The following UNC5D variants were observed in gnomAD, a reference collection of about 807,000 sequenced individuals.
The protein encoded by UNC5D is unc-5 netrin receptor D.
A neutral mutation model predicts 105.4 loss-of-function variants in UNC5D; 39 were observed. That is an observed-to-expected ratio of 0.37 (90% CI 0.29 to 0.48). UNC5D has a LOEUF of 0.48. Among genes scored for constraint, UNC5D ranks in the 20% least tolerant of loss-of-function variants. The pLI is 0.98. For missense variants in UNC5D, 991 were observed against 1,202.4 expected, an observed-to-expected ratio of 0.82 and a Z score of 2.60; for synonymous variants, 452 against 450.4, an observed-to-expected ratio of 1.00 and a Z score of -0.04.
At chr8:35,325,337 A>T (rs529712133) in intron 1 of UNC5D, among the ~76,000 whole-genome samples, 6 of 152,336 alleles carry the variant, frequency 3.9e-5, no homozygotes, top group Non-Finnish European at 5.9e-5. Flanking sequence ...TAGGTTGACA[A>T]TCTCAAGACC....
chr8:35,644,551 A>C (rs1326844335), intron 4 of UNC5D, among the ~76,000 whole-genome samples: 1 of 152,098 alleles, frequency 6.6e-6, no homozygotes, highest in African/African-American at 2.4e-5. Context: ...ACAATCTAGC[A>C]CCATTTTGAT....
intron 1 of UNC5D, among the ~76,000 whole-genome samples, chr8:35,297,264 A>G (rs188846496): frequency 1.6e-4 from 25 of 152,200 alleles, no homozygotes; most frequent in Non-Finnish European, 2.6e-4. Flanking sequence ...TCACACAAAG[A>G]ATTCTTGGTT....
At chr8:35,686,091 G>A (rs1825988489) in intron 6 of UNC5D, among the ~76,000 whole-genome samples, 1 of 152,082 alleles carries the variant, frequency 6.6e-6, no homozygotes, top group Admixed American at 6.5e-5. Context: ...ATATATTTGG[G>A]TTTAACTTTA....
intron 1 of UNC5D, among the ~76,000 whole-genome samples, chr8:35,269,933 G>T (rs892123116): frequency 6.6e-6 from 1 of 152,168 alleles, no homozygotes; most frequent in Non-Finnish European, 1.5e-5. Context: ...GTACAGCTTT[G>T]ATGGCATCCC....
intron 7 of UNC5D, among the ~76,000 whole-genome samples, chr8:35,691,833 C>A (rs1826419802): frequency 6.6e-6 from 1 of 152,090 alleles, no homozygotes; most frequent in South Asian, 2.1e-4. Context: ...GTGAAAATAG[C>A]AGGGTGTTTA....
At chr8:35,436,060 T>C (rs1806992057) in intron 1 of UNC5D, among the ~76,000 whole-genome samples, 3 of 152,098 alleles carry the variant, frequency 2.0e-5, no homozygotes, top group Admixed American at 2.0e-4. Context: ...TATGAATATT[T>C]GGAGTATCAG....
At chr8:35,512,535 GTATGTA>G (rs1376109274) in intron 1 of UNC5D, among the ~76,000 whole-genome samples, 10 of 33,448 alleles carry the variant, frequency 3.0e-4, no homozygotes, top group African/African-American at 1.1e-3. Flanking sequence ...ATTCAGATAT[GTATGTA>G]TATATATATA....
chr8:35,568,150 C>A lies in UNC5D; in HGVS notation c.375C>A (p.Asp125Glu), dbSNP rs769885844. 3 of 1,614,190 alleles carry A rather than the reference C, an allele frequency of 1.9e-6. No homozygotes were observed. The highest frequency in any genetic ancestry group is 2.2e-5 in the South Asian group (2 of 91,086). Residue 125 changes from aspartate (D) to glutamate (E), a missense_variant, in exon 3 of 17, where the codon GAC becomes GAA. Transcript: ENST00000404895. ...ATGTTACTAGGCAACAGGTGGAGGA[C>A]TTCCATGGGCCCGAGGACTATTGGT... The part of the protein sequence containing the change: ...FINVTRQQVE[D>E]FHGPEDYWCQ...
chr8:35,496,155 G>A (rs1277155485), intron 1 of UNC5D, among the ~76,000 whole-genome samples: 1 of 152,216 alleles, frequency 6.6e-6, no homozygotes, highest in African/African-American at 2.4e-5. Context: ...TCCTTCAGGT[G>A]CAATCTAAAG....
chr8:35,452,445 T>C, intron 1 of UNC5D, among the ~76,000 whole-genome samples: 1 of 152,026 alleles, frequency 6.6e-6, no homozygotes, highest in Non-Finnish European at 1.5e-5. Flanking sequence ...TTTGTATTTT[T>C]AGTAGGGACA....
At chr8:35,584,066 C>T (rs750186182) in intron 3 of UNC5D, among the ~76,000 whole-genome samples, 8 of 152,160 alleles carry the variant, frequency 5.3e-5, no homozygotes, top group Non-Finnish European at 1.0e-4. Context: ...CATGAATTGA[C>T]TCAGTATGAT....
At chr8:35,367,496 G>T (rs1479500901) in intron 1 of UNC5D, among the ~76,000 whole-genome samples, 1 of 152,118 alleles carries the variant, frequency 6.6e-6, no homozygotes, top group African/African-American at 2.4e-5. Flanking sequence ...TGGCAGATGT[G>T]GGAATGTGTC....
At chr8:35,403,380 C>G (rs1413502795) in intron 1 of UNC5D, among the ~76,000 whole-genome samples, 1 of 152,190 alleles carries the variant, frequency 6.6e-6, no homozygotes, top group Non-Finnish European at 1.5e-5. Flanking sequence ...TTTCAGTCCT[C>G]CTCACCATCC....
chr8:35,653,363 TCAGA>T (rs1255207674), intron 4 of UNC5D, among the ~76,000 whole-genome samples: 1 of 152,190 alleles, frequency 6.6e-6, no homozygotes, highest in African/African-American at 2.4e-5. Flanking sequence ...GTGTGAAAAC[TCAGA>T]CTAGACATAT....
In UNC5D at chr8:35,726,324, C is replaced by A; in HGVS notation, c.1476C>A (p.Ser492=). 1 of 1,614,054 alleles carries A rather than the reference C, an allele frequency of 6.2e-7. No individual in the cohort carries two copies. The highest frequency in any genetic ancestry group is 8.5e-7 in the Non-Finnish European group (1 of 1,180,008). ...KVKVQSSFMV[S]LGVSERAEYH... is the part of the protein sequence containing the mutation. Reference sequence around the variant, plus strand: ...AAGTCCAGAGCTCGTTCATGGTTTCCCTGGGAGTGTCTGAGAGAGCTGAGT... The same window carrying A: ...AAGTCCAGAGCTCGTTCATGGTTTCACTGGGAGTGTCTGAGAGAGCTGAGT... Residue 492 remains serine, a synonymous_variant, in exon 10 of 17, where the codon TCC becomes TCA. Coordinates refer to ENST00000404895, the MANE Select transcript of UNC5D (RefSeq NM_080872.4).
At position 35,419,189 on chromosome 8, in the gene UNC5D, A is replaced by G. The variant is rs889014839; in HGVS notation, c.104-130103A>G. Among the ~76,000 whole-genome samples, 3 of 152,286 alleles carry G rather than the reference A, an allele frequency of 2.0e-5. 1 individual carries two copies. Among genetic ancestry groups the G allele is most frequent in the South Asian group, 4.1e-4 (2 of 4,832 alleles). On this transcript the variant is annotated intron_variant, in intron 1 of 16. Coordinates refer to ENST00000404895, the MANE Select transcript of UNC5D (RefSeq NM_080872.4). Reference sequence around the variant, plus strand: ...CCTTCCAGTAAGTATGATGCCAATCATATGTGGGGAATCTTTTGAATCTTT... The same window carrying G: ...CCTTCCAGTAAGTATGATGCCAATCGTATGTGGGGAATCTTTTGAATCTTT...
At chr8:35,412,056 A>T (rs919651699) in intron 1 of UNC5D, among the ~76,000 whole-genome samples, 1 of 152,026 alleles carries the variant, frequency 6.6e-6, no homozygotes, top group Non-Finnish European at 1.5e-5. Flanking sequence ...GCTGTTGTTT[A>T]CCTGACTTTT....
At position 35,250,961 on chromosome 8, in the gene UNC5D, G is replaced by C. The variant is rs147636930; in HGVS notation, c.103+15074G>C. Among the ~76,000 whole-genome samples the C allele has an allele frequency of 9.9e-5, 15 of 152,280 alleles. No homozygotes were observed. In the East Asian group the frequency reaches 2.3e-3, roughly 24 times the overall value. ...TGAATTAATTTCCTTAGGATAATGA[G>C]AGCCATGGATTTAATGCATGCATTG... On this transcript the variant is annotated intron_variant, in intron 1 of 16. Transcript: ENST00000404895.
At chr8:35,320,432 T>C (rs1170672754) in intron 1 of UNC5D, among the ~76,000 whole-genome samples, 2 of 152,066 alleles carry the variant, frequency 1.3e-5, no homozygotes, top group African/African-American at 2.4e-5. Context: ...CATAAAAAGA[T>C]GCCACACTCT....
Sources: gnomAD v4.1 joint callset for allele counts (sites outside exome capture counted in the v4.1 genomes callset) on GRCh38, gnomAD v4.1.1 for gene constraint, MANE v1.5 for transcripts, NCBI Gene and HGNC (gene_info 2026-07-23, HGNC 2026-07-21) for gene names.